TUSC3: variants seen among roughly 807,000 people sequenced by gnomAD.
The protein encoded by TUSC3 is dolichyl-diphosphooligosaccharide--protein glycosyltransferase subunit TUSC3.
A neutral mutation model predicts 44.8 loss-of-function variants in TUSC3; 45 were observed. The observed-to-expected ratio is 1.00, with a 90% CI of 0.79 to 1.29. The LOEUF (loss-of-function observed/expected upper bound fraction) is 1.29, where lower values mean the gene tolerates loss of function less well. TUSC3 is among the 50% of genes most tolerant of loss of function. The pLI, the probability that TUSC3 is intolerant of heterozygous loss-of-function variation, is 0.00. For missense variants in TUSC3, 519 were observed against 437.9 expected (o/e 1.19, Z -1.65); for synonymous variants, 212 against 152.9 (o/e 1.39, Z -2.85).
chr8:15,497,560 A>T lies in TUSC3; in HGVS notation n.189+14077A>T, dbSNP rs545779579. On this transcript the variant is annotated intron_variant and non_coding_transcript_variant, in intron 2 of 5. Coordinates refer to the TUSC3 transcript ENST00000503191. ...CAATTCTTCGGAGGGGTGGCATTTA[A>T]AGCTAATTGAAGTGAGTTCTGGAGG... 1.6e-4 allele frequency among the ~76,000 whole-genome samples: 24 copies of T among 152,230 alleles called. 1 individual carries two copies. Among genetic ancestry groups the T allele is most frequent in the African/African-American group, 5.5e-4 (23 of 41,554 alleles).
At chr8:15,457,776 ATAAAT>A (rs1166586274) in intron 1 of TUSC3, among the ~76,000 whole-genome samples, 2 of 148,066 alleles carry the variant, frequency 1.4e-5, no homozygotes, top group Admixed American at 1.4e-4. Flanking sequence ...AGATAATCTA[ATAAAT>A]TAGATTATCT....
chr8:15,791,824 GCT>G, the TUSC3 span, among the ~76,000 whole-genome samples: 9 of 151,996 alleles, frequency 5.9e-5, no homozygotes, highest in Non-Finnish European at 1.2e-4. Context: ...ATAAGTACAC[GCT>G]CTTTCACCAC....
intron 1 of TUSC3, among the ~76,000 whole-genome samples, chr8:15,477,044 G>C (rs952137252): frequency 1.3e-5 from 2 of 152,124 alleles, no homozygotes; most frequent in Non-Finnish European, 2.9e-5. Context: ...AGGTACTTAC[G>C]ATTTTCCATC....
At chr8:15,526,772 A>T (rs1361145770) in intron 2 of TUSC3, among the ~76,000 whole-genome samples, 1 of 152,164 alleles carries the variant, frequency 6.6e-6, no homozygotes, top group East Asian at 1.9e-4. Context: ...CAGAGTCCAC[A>T]TATAAAATGA....
At chr8:15,770,429 G>C (rs1475692009), downstream of TUSC3, among the ~76,000 whole-genome samples, 1 of 152,100 alleles carries the variant, frequency 6.6e-6, no homozygotes, top group Non-Finnish European at 1.5e-5. Flanking sequence ...GCTGGGGAGA[G>C]ATAGCATTAG....
chr8:15,441,850 A>G (rs28622554), intron 1 of TUSC3, among the ~76,000 whole-genome samples: 54 of 152,180 alleles, frequency 3.5e-4, no homozygotes, highest in African/African-American at 1.3e-3. Flanking sequence ...TCTAAGCACA[A>G]TGTCAACCAA....
rs192145597 is a variant in TUSC3 at position 15,474,334 on chromosome 8, G to T, written n.92-9052G>T. 2.4e-4 allele frequency among the ~76,000 whole-genome samples: 36 copies of T among 152,048 alleles called. 1 individual carries two copies. The East Asian group carries it at 6.8e-3, about 29-fold the overall frequency. On this transcript the variant is annotated intron_variant and non_coding_transcript_variant, in intron 1 of 5. Transcript: ENST00000503191. Reference sequence around the variant, plus strand: ...ACAATTATCACAGTGGTCCTGAGGTGATGTACATCCTCAGCTTACAAAGAT... The same window carrying T: ...ACAATTATCACAGTGGTCCTGAGGTTATGTACATCCTCAGCTTACAAAGAT...
At chr8:15,627,057 T>A (rs1336027902) in intron 2 of TUSC3, among the ~76,000 whole-genome samples, 1 of 152,146 alleles carries the variant, frequency 6.6e-6, no homozygotes, top group African/African-American at 2.4e-5. Flanking sequence ...CATGCACCAG[T>A]CAGCGCACAC....
chr8:15,502,700 C>T (rs567255158), intron 2 of TUSC3, among the ~76,000 whole-genome samples: 3 of 152,296 alleles, frequency 2.0e-5, no homozygotes, highest in Admixed American at 2.0e-4. Context: ...ACCGTGTTAG[C>T]CAGGATGGTC....
chr8:15,678,317 C>G (rs956303810), intron 6 of TUSC3, among the ~76,000 whole-genome samples: 10 of 151,996 alleles, frequency 6.6e-5, no homozygotes, highest in African/African-American at 2.4e-4. Context: ...GGCTGGAACA[C>G]ACTAAGGCAT....
intron 1 of TUSC3, among the ~76,000 whole-genome samples, chr8:15,453,501 T>G (rs1456196309): frequency 6.6e-6 from 1 of 152,204 alleles, no homozygotes; most frequent in African/African-American, 2.4e-5. Context: ...CTTGTGCAAA[T>G]TGACTTAATG....
At chr8:15,526,084 G>C (rs1380463076) in intron 2 of TUSC3, among the ~76,000 whole-genome samples, 1 of 151,934 alleles carries the variant, frequency 6.6e-6, no homozygotes, top group Non-Finnish European at 1.5e-5. Flanking sequence ...CCAGGCTGGA[G>C]TGCAGTGGCA....
intron 2 of TUSC3, among the ~76,000 whole-genome samples, chr8:15,518,451 C>A (rs573533199): frequency 6.6e-6 from 1 of 152,146 alleles, no homozygotes; most frequent in South Asian, 2.1e-4. Context: ...ATCTGTATTT[C>A]TTCTCTGTAT....
chr8:15,637,228 C>T (rs12680008), intron 2 of TUSC3, among the ~76,000 whole-genome samples: 27,573 of 151,990 alleles, frequency 0.18, 2,497 homozygotes, highest in South Asian at 0.26. Flanking sequence ...CCACCCCATT[C>T]CCTCTTAAAC....
At chr8:15,578,825 C>T (rs573577551) in intron 1 of TUSC3, among the ~76,000 whole-genome samples, 7 of 151,758 alleles carry the variant, frequency 4.6e-5, no homozygotes, top group Admixed American at 1.3e-4. Flanking sequence ...TGATGCTGGC[C>T]CTCATAAAAT....
intron 7 of TUSC3, among the ~76,000 whole-genome samples, chr8:15,734,413 C>T (rs759617649): frequency 1.3e-5 from 2 of 151,888 alleles, no homozygotes; most frequent in Non-Finnish European, 2.9e-5. Flanking sequence ...TTTAAGAAAA[C>T]AATCCTAAGT....
At position 15,623,133 on chromosome 8, in the gene TUSC3, A is replaced by G. The variant is rs1805326294; in HGVS notation, c.192A>G (p.Ser64=). 1 of 1,613,824 alleles carries G rather than the reference A, an allele frequency of 6.2e-7. No individual in the cohort carries two copies. Among genetic ancestry groups the G allele is most frequent in the African/African-American group, 1.3e-5 (1 of 74,926 alleles). Residue 64 remains serine, a synonymous_variant, in exon 2 of 11, where the codon TCA becomes TCG. Coordinates refer to ENST00000503731, the MANE Select transcript of TUSC3 (RefSeq NM_006765.4). ...EQLMEWSSRR[S]IFRMNGDKFR... is the part of the protein sequence containing the mutation. ...TGATGGAATGGAGTTCCAGACGCTCAATCTTCCGAATGAATGGTGATAAAT... is the reference window on the plus strand; with the variant it reads ...TGATGGAATGGAGTTCCAGACGCTCGATCTTCCGAATGAATGGTGATAAAT...
At chr8:15,585,284 A>G (rs1803549164) in intron 1 of TUSC3, among the ~76,000 whole-genome samples, 2 of 152,170 alleles carry the variant, frequency 1.3e-5, no homozygotes, top group African/African-American at 4.8e-5. Context: ...ATAAAGGTTC[A>G]AGAGAGAGGT....
the TUSC3 span, among the ~76,000 whole-genome samples, chr8:15,822,683 G>A: frequency 6.6e-6 from 1 of 152,056 alleles, no homozygotes; most frequent in Admixed American, 6.6e-5. Context: ...CCAGCAAAGG[G>A]GACAGAGAAG....
Sources: gnomAD v4.1 joint callset for allele counts (sites outside exome capture counted in the v4.1 genomes callset) on GRCh38, gnomAD v4.1.1 for gene constraint, MANE v1.5 for transcripts, NCBI Gene and HGNC (gene_info 2026-07-23, HGNC 2026-07-21) for gene names.